Variants in BCL2 observed in about 807,000 individuals in gnomAD.
BCL2 encodes BCL2 apoptosis regulator.
Under a neutral mutation model 14.2 loss-of-function variants are expected in BCL2, and 1 was observed. The ratio of observed to expected loss-of-function variants is 0.07; its 90% confidence interval spans 0.02 to 0.33. The LOEUF (loss-of-function observed/expected upper bound fraction) is 0.33, where lower values mean the gene tolerates loss of function less well. BCL2 is among the 10% of genes least tolerant of loss of function. BCL2 has a pLI of 0.99. For synonymous variants in BCL2, 151 were observed against 137.2 expected (o/e 1.10, Z -0.70); for missense variants, 247 against 305.9 (o/e 0.81, Z 1.44).
chr18:63,224,251 G>A (rs769377093), intron 2 of BCL2, among the ~76,000 whole-genome samples: 20 of 152,144 alleles, frequency 1.3e-4, no homozygotes, highest in Non-Finnish European at 2.2e-4. Context: ...TAGAAGTTCT[G>A]GAAAGAAAGA....
chr18:63,302,312 AAAAG>A (rs1912985675), intron 2 of BCL2: 1 of 981,938 alleles, frequency 1.0e-6, no homozygotes, highest in Non-Finnish European at 1.2e-6. Context: ...AAAAAAAAAA[AAAAG>A]AGAGAGAAAG....
At chr18:63,239,468 G>A (rs914474429) in intron 2 of BCL2, among the ~76,000 whole-genome samples, 6 of 152,156 alleles carry the variant, frequency 3.9e-5, no homozygotes, top group Admixed American at 3.3e-4. Context: ...CAGGCCAGGC[G>A]CAGTGACTCA....
Position 63,156,126 on chromosome 18 carries a change from G to A in BCL2, c.586-27367C>T, listed in dbSNP as rs1477604770. Among the ~76,000 whole-genome samples the A allele has an allele frequency of 4.2e-5, 6 of 143,556 alleles. No homozygotes were observed. The East Asian group carries it at 6.2e-4, about 15-fold the overall frequency. The allele number at this position is 143,556 out of a possible 152,430, so 94.2% of individuals were successfully genotyped here. ...AAAAAAGGCTTGGACGGCATCAGAC[G>A]GGCTGGCAGGGGAGGGGGGTGTTCA... is the stretch of plus-strand genomic sequence containing the variant. On this transcript the variant is annotated intron_variant, in intron 2 of 2. Coordinates refer to ENST00000333681, the MANE Select transcript of BCL2 (RefSeq NM_000633.3).
intron 2 of BCL2, among the ~76,000 whole-genome samples, chr18:63,176,845 T>A (rs1018302970): frequency 2.0e-5 from 3 of 152,158 alleles, no homozygotes; most frequent in African/African-American, 7.2e-5. Flanking sequence ...TCTAACTGTA[T>A]GTTTGTACCC....
At chr18:63,319,149 C>T in intron 1 of BCL2, 25 bp downstream of exon 1, 3 of 753,006 alleles carry the variant, frequency 4.0e-6, no homozygotes, top group African/African-American at 1.8e-5. Flanking sequence ...TTACATTAAA[C>T]CAATTTCCTG....
At chr18:63,273,519 C>A (rs1912061387) in intron 2 of BCL2, among the ~76,000 whole-genome samples, 1 of 152,158 alleles carries the variant, frequency 6.6e-6, no homozygotes, top group Non-Finnish European at 1.5e-5. Flanking sequence ...TGATAAAGAA[C>A]TTAAAAGCCT....
chr18:63,235,870 CTATATA>C (rs552414659), intron 2 of BCL2, among the ~76,000 whole-genome samples: 1 of 150,808 alleles, frequency 6.6e-6, no homozygotes, highest in African/African-American at 2.4e-5. Flanking sequence ...TATCCTTAAA[CTATATA>C]TATATATTTT....
At chr18:63,209,234 G>A (rs58146825) in intron 2 of BCL2, among the ~76,000 whole-genome samples, 6,193 of 152,218 alleles carry the variant, frequency 0.041, 421 homozygotes, top group African/African-American at 0.14. Flanking sequence ...TGAATTGATC[G>A]AGGGGCCGTG....
chr18:63,300,466 CTGTGTGTGTGTG>C (rs371006514), intron 2 of BCL2, among the ~76,000 whole-genome samples: 1 of 148,038 alleles, frequency 6.8e-6, no homozygotes, highest in Non-Finnish European at 1.5e-5. Flanking sequence ...CTCTCTCTCT[CTGTGTGTGTGTG>C]TGTGTGTGTG....
chr18:63,188,999 GTT>G (rs36046351), intron 2 of BCL2, among the ~76,000 whole-genome samples: 72 of 139,894 alleles, frequency 5.1e-4, no homozygotes, highest in East Asian at 1.2e-3. Context: ...TTTTCCCCAA[GTT>G]TTTTTTTTTT....
At chr18:63,151,670 C>T (rs1198824147) in intron 2 of BCL2, among the ~76,000 whole-genome samples, 1 of 152,142 alleles carries the variant, frequency 6.6e-6, no homozygotes, top group African/African-American at 2.4e-5. Context: ...TCTGTAGGCC[C>T]AGCCCAATTT....
At chr18:63,181,926 G>A (rs536950309) in intron 2 of BCL2, among the ~76,000 whole-genome samples, 20 of 152,204 alleles carry the variant, frequency 1.3e-4, no homozygotes, top group Non-Finnish European at 2.9e-4. Flanking sequence ...CAGGGTCAGA[G>A]ATGGGGCAGG....
rs1913624174 is a variant in BCL2, at chr18:63,319,393, G to A, written c.-506C>T. ...TGCTTCACAGAAATGTCAATCCGCA[G>A]GAATCCCAACCGGAGATCTCAAGAG... On this transcript the variant is annotated 5_prime_UTR_variant, in exon 1 of 3. Transcript: ENST00000333681. The A allele has an allele frequency of 4.4e-6, 1 of 229,112 alleles. No homozygotes were observed. The highest frequency in any genetic ancestry group is 8.7e-6 in the Non-Finnish European group (1 of 115,458). The allele number at this position is 229,112 out of a possible 1,614,324, so 14.2% of individuals were successfully genotyped here. A position where few individuals can be genotyped will look rare whatever the true frequency, so the allele number is the denominator to read the frequency against.
intron 2 of BCL2, among the ~76,000 whole-genome samples, chr18:63,138,804 G>T (rs560106988): frequency 6.6e-6 from 1 of 152,220 alleles, no homozygotes; most frequent in Non-Finnish European, 1.5e-5. Flanking sequence ...AAACTTGCCC[G>T]CTTACCACAG....
At chr18:63,228,994 G>A (rs1821897986) in intron 2 of BCL2, among the ~76,000 whole-genome samples, 2 of 152,362 alleles carry the variant, frequency 1.3e-5, no homozygotes, top group South Asian at 4.1e-4. Context: ...ACAGGCATGA[G>A]CCACCACGCC....
At chr18:63,189,613 C>T (rs1219781317) in intron 2 of BCL2, among the ~76,000 whole-genome samples, 1 of 152,048 alleles carries the variant, frequency 6.6e-6, no homozygotes, top group Non-Finnish European at 1.5e-5. Flanking sequence ...GCTTTTCATA[C>T]ATTATCTATT....
At chr18:63,245,770 C>G (rs1911135111) in intron 2 of BCL2, among the ~76,000 whole-genome samples, 1 of 152,124 alleles carries the variant, frequency 6.6e-6, no homozygotes, top group Non-Finnish European at 1.5e-5. Flanking sequence ...AGTACATGGG[C>G]CCTCTCTGTA....
chr18:63,299,230 T>C (rs1912887177), intron 2 of BCL2, among the ~76,000 whole-genome samples: 6 of 152,382 alleles, frequency 3.9e-5, no homozygotes, highest in South Asian at 4.1e-4. Flanking sequence ...TTGTCATGTG[T>C]ACCCAGCTGC....
chr18:63,259,501 G>T lies in BCL2; in HGVS notation c.585+58581C>A, dbSNP rs187459797. Reference sequence around the variant, plus strand: ...TAACAGCTATCATATGGATGAACACGCAGGAAGCAGAACAAAGGAGCAGCA... The same window carrying T: ...TAACAGCTATCATATGGATGAACACTCAGGAAGCAGAACAAAGGAGCAGCA... On this transcript the variant is annotated intron_variant, in intron 2 of 2. Coordinates refer to ENST00000333681, the MANE Select transcript of BCL2 (RefSeq NM_000633.3). Among the ~76,000 whole-genome samples, 388 of 152,360 alleles carry T rather than the reference G, an allele frequency of 2.5e-3. 3 individuals carry two copies. The highest frequency in any genetic ancestry group is 9.3e-3 in the Admixed American group (143 of 15,308).
Sources: gnomAD v4.1 joint callset for allele counts (sites outside exome capture counted in the v4.1 genomes callset) on GRCh38, gnomAD v4.1.1 for gene constraint, MANE v1.5 for transcripts, NCBI Gene and HGNC (gene_info 2026-07-23, HGNC 2026-07-21) for gene names.